DHRS3: variants seen among roughly 807,000 people sequenced by gnomAD.
DHRS3 encodes dehydrogenase/reductase 3.
DHRS3 carries 14 observed loss-of-function variants against 27.2 expected under a neutral mutation model. The observed-to-expected ratio is 0.52, with a 90% CI of 0.34 to 0.81. The LOEUF (loss-of-function observed/expected upper bound fraction) is 0.81, where lower values mean the gene tolerates loss of function less well. Among genes scored for constraint, DHRS3 ranks in the 30% least tolerant of loss-of-function variants. DHRS3 has a pLI of 0.01. For missense variants in DHRS3, 322 were observed against 406.2 expected, an observed-to-expected ratio of 0.79 and a Z score of 1.78; for synonymous variants, 165 against 175.9, an observed-to-expected ratio of 0.94 and a Z score of 0.49.
rs1224906346 is a variant in DHRS3, at chr1:12,608,830, G to A, written c.195+8324C>T. Reference sequence around the variant, plus strand: ...CATCTAGAACAGGTCCCATGCCTCTGTGGTACTGGAATGCAGCTGATACCC... The same window carrying A: ...CATCTAGAACAGGTCCCATGCCTCTATGGTACTGGAATGCAGCTGATACCC... On this transcript the variant is annotated intron_variant, in intron 1 of 5. Transcript: ENST00000616661. The surrounding 1 kb of genome is among the most constrained non-coding windows in gnomAD (Gnocchi z 4.1). 2.0e-5 allele frequency among the ~76,000 whole-genome samples: 3 copies of A among 152,174 alleles called. No homozygotes were observed. Among genetic ancestry groups the A allele is most frequent in the African/African-American group, 4.8e-5 (2 of 41,434 alleles).
At chr1:12,602,005 T>C (rs778629480) in intron 1 of DHRS3, among the ~76,000 whole-genome samples, 7 of 152,214 alleles carry the variant, frequency 4.6e-5, no homozygotes, top group Non-Finnish European at 7.3e-5. Flanking sequence ...GTGGGCCAGA[T>C]ACTGTGCCAG....
At chr1:12,603,055 G>A (rs576173193) in intron 1 of DHRS3, among the ~76,000 whole-genome samples, 1 of 152,374 alleles carries the variant, frequency 6.6e-6, no homozygotes, top group East Asian at 1.9e-4. Flanking sequence ...CCCCCTTGGA[G>A]AGGCTGTCTC....
At chr1:12,614,060 T>G (rs966212430) in intron 1 of DHRS3, among the ~76,000 whole-genome samples, 2 of 152,136 alleles carry the variant, frequency 1.3e-5, no homozygotes, top group African/African-American at 4.8e-5. Context: ...CATGAGCCAC[T>G]GCTCCCAGCC....
intron 3 of DHRS3, 88 bp from the exon 4 acceptor site, chr1:12,579,044 C>T (rs1239224239): frequency 7.6e-7 from 1 of 1,324,416 alleles, no homozygotes; most frequent in Non-Finnish European, 1.0e-6. Context: ...CCACCCCGGA[C>T]ACACATGATG....
intron 1 of DHRS3, among the ~76,000 whole-genome samples, chr1:12,613,742 C>A (rs1377085570): frequency 6.6e-6 from 1 of 152,150 alleles, no homozygotes; most frequent in Non-Finnish European, 1.5e-5. Flanking sequence ...CTCAGACTAC[C>A]TCTCGGAAGT....
chr1:12,579,091 G>A (rs1457044550), intron 3 of DHRS3, 135 bp from the exon 4 acceptor site: 39 of 1,236,306 alleles, frequency 3.2e-5, no homozygotes, highest in East Asian at 7.6e-5. Flanking sequence ...GGAGAGGGCC[G>A]AGGGCTCCCT....
At position 12,586,202 on chromosome 1, in the gene DHRS3, C is replaced by T. The variant is rs192818797; in HGVS notation, c.196-5536G>A. 3.0e-3 allele frequency among the ~76,000 whole-genome samples: 453 copies of T among 152,352 alleles called. 2 individuals carry two copies. The highest frequency in any genetic ancestry group is 6.8e-3 in the Middle Eastern group (2 of 294). ...CCTCAGCAGCCCTCTGCGCTGAAGG[C>T]TGTCATTATCCGTGGTCACAGTGGA... On this transcript the variant is annotated intron_variant, in intron 1 of 5. Transcript: ENST00000616661. This position sits in a 1 kb window ranked among gnomAD's most constrained non-coding sequence, Gnocchi z 5.0.
intron 1 of DHRS3, chr1:12,616,615 C>G: frequency 1.0e-6 from 1 of 987,398 alleles, no homozygotes; most frequent in Non-Finnish European, 1.2e-6. Context: ...GTCGGTCCGG[C>G]CAGACTACTG....
chr1:12,589,310 T>C (rs1052990004), intron 1 of DHRS3, among the ~76,000 whole-genome samples: 5 of 152,174 alleles, frequency 3.3e-5, no homozygotes, highest in African/African-American at 1.2e-4. Flanking sequence ...TTCAATTCTT[T>C]AACAGTTATG....
rs1313741259 is a variant in DHRS3, at chr1:12,578,798, C to T, written c.618G>A (p.Leu206=). The T allele has an allele frequency of 3.1e-6, 5 of 1,613,966 alleles. No individual in the cohort carries two copies. Among genetic ancestry groups the T allele is most frequent in the African/African-American group, 1.3e-5 (1 of 74,938 alleles). Residue 206 remains leucine (L), a synonymous_variant, in exon 4 of 6, where the codon CTG becomes CTA. Coordinates refer to ENST00000616661, the MANE Select transcript of DHRS3 (RefSeq NM_004753.7). The surrounding 1 kb of genome is among the most constrained non-coding windows in gnomAD (Gnocchi z 4.5). ...FAFMESLTLG[L]LDCPGVSATT... is the part of the protein sequence containing the mutation. ...TGGCGCTGACTCCCGGACAGTCCAG[C>T]AGCCCCAGGGTCAGGCTCTCCATGA...
chr1:12,608,839 G>T lies in DHRS3; in HGVS notation c.195+8315C>A, dbSNP rs1646888602. Among the ~76,000 whole-genome samples the T allele has an allele frequency of 6.6e-6, 1 of 152,104 alleles. No individual in the cohort carries two copies. Among genetic ancestry groups the T allele is most frequent in the African/African-American group, 2.4e-5 (1 of 41,406 alleles). On this transcript the variant is annotated intron_variant, in intron 1 of 5. Transcript: ENST00000616661. This position sits in a 1 kb window ranked among gnomAD's most constrained non-coding sequence, Gnocchi z 4.1. Reference sequence around the variant, plus strand: ...CAGGTCCCATGCCTCTGTGGTACTGGAATGCAGCTGATACCCTCTCTTGCC... The same window carrying T: ...CAGGTCCCATGCCTCTGTGGTACTGTAATGCAGCTGATACCCTCTCTTGCC...
chr1:12,604,892 T>C (rs1038649973), intron 1 of DHRS3, among the ~76,000 whole-genome samples: 3 of 151,844 alleles, frequency 2.0e-5, no homozygotes, highest in African/African-American at 7.3e-5. Context: ...ATATTAAAAA[T>C]ACAAAAATTA....
At chr1:12,602,803 C>T (rs993191232) in intron 1 of DHRS3, among the ~76,000 whole-genome samples, 2 of 152,286 alleles carry the variant, frequency 1.3e-5, no homozygotes, top group African/African-American at 4.8e-5. Context: ...TCATAATCTA[C>T]AGCATTAGGC....
intron 1 of DHRS3, among the ~76,000 whole-genome samples, chr1:12,610,741 A>G (rs908739067): frequency 2.6e-5 from 4 of 152,198 alleles, no homozygotes; most frequent in East Asian, 3.8e-4. Context: ...ATGGGCTTCA[A>G]TGGTTTCGTA....
intron 1 of DHRS3, among the ~76,000 whole-genome samples, chr1:12,607,810 G>A (rs1345908348): frequency 3.9e-5 from 6 of 152,034 alleles, no homozygotes; most frequent in African/African-American, 1.4e-4. Context: ...ACTTGATGAA[G>A]TTTATGTTGA....
intron 1 of DHRS3, among the ~76,000 whole-genome samples, chr1:12,607,453 G>GT (rs1401603591): frequency 6.6e-6 from 1 of 152,208 alleles, no homozygotes; most frequent in African/African-American, 2.4e-5. Context: ...TGATCTGATG[G>GT]TTTTATAAGT....
At chr1:12,606,794 T>A (rs748314523) in intron 1 of DHRS3, among the ~76,000 whole-genome samples, 3 of 152,100 alleles carry the variant, frequency 2.0e-5, no homozygotes, top group Non-Finnish European at 4.4e-5. Flanking sequence ...CGTGCCCAGC[T>A]GCTTTCAACA....
In DHRS3 at chr1:12,586,237, A is replaced by G. The variant is rs142132747; in HGVS notation, c.196-5571T>C. Reference sequence around the variant, plus strand: ...CCGTGGTCACAGTGGAGAAAACCGTAGCTCAAAGGAGTTAAGTAACTCACC... The same window carrying G: ...CCGTGGTCACAGTGGAGAAAACCGTGGCTCAAAGGAGTTAAGTAACTCACC... On this transcript the variant is annotated intron_variant, in intron 1 of 5. Coordinates refer to ENST00000616661, the MANE Select transcript of DHRS3 (RefSeq NM_004753.7). The surrounding 1 kb of genome is among the most constrained non-coding windows in gnomAD (Gnocchi z 5.0). Among the ~76,000 whole-genome samples, 249 of 152,320 alleles carry G rather than the reference A, an allele frequency of 1.6e-3. 1 individual carries two copies. The highest frequency in any genetic ancestry group is 2.8e-3 in the Non-Finnish European group (191 of 68,024).
chr1:12,568,980 T>G (rs1646509169), intron 5 of DHRS3, among the ~76,000 whole-genome samples: 1 of 152,034 alleles, frequency 6.6e-6, no homozygotes, highest in Non-Finnish European at 1.5e-5. Flanking sequence ...CCCAGCACTT[T>G]GGGAGGCCAA....
Sources: allele counts gnomAD v4.1 joint callset (sites outside exome capture counted in the v4.1 genomes callset), GRCh38; gene constraint gnomAD v4.1.1; non-coding constraint Gnocchi (gnomAD v3.1); transcripts MANE v1.5; gene names NCBI Gene and HGNC (gene_info 2026-07-23, HGNC 2026-07-21).